The following RINT1 variants were observed in gnomAD, a reference collection of about 807,000 sequenced individuals.
RINT1 encodes RAD50-interacting protein 1.
In RINT1, 75 loss-of-function variants were observed where a neutral mutation model predicts 97.7. The ratio of observed to expected loss-of-function variants is 0.77; its 90% CI spans 0.64 to 0.93. RINT1 has a LOEUF of 0.93. Among genes scored for constraint, RINT1 ranks in the 40% least tolerant of loss-of-function variants. The pLI, the probability that RINT1 is intolerant of heterozygous loss-of-function variation, is 0.00. For missense variants in RINT1, 892 were observed against 925.2 expected, an observed-to-expected ratio of 0.96 and a Z score of 0.47; for synonymous variants, 303 against 326.3, an observed-to-expected ratio of 0.93 and a Z score of 0.77.
In RINT1 at chr7:105,567,193, C is replaced by A. The variant is rs764177063; in HGVS notation, c.2261C>A (p.Ala754Asp). ...ALLLKDVLQSASGQLPATAAL... is the reference protein window; with the variant it reads ...ALLLKDVLQSDSGQLPATAAL... ...CTGCTGAAAGATGTACTGCAGTCAG[C>A]TTCAGGGCAGCTTCCTGCCACAGCA... Residue 754 changes from alanine (A) to aspartate (D), a missense_variant, in exon 15 of 15, where the codon GCT becomes GAT. Transcript: ENST00000257700. 6.2e-7 allele frequency: 1 copy of A among 1,612,660 alleles called. No homozygotes were observed. The highest frequency in any genetic ancestry group is 8.5e-7 in the Non-Finnish European group (1 of 1,179,612).
intron 11 of RINT1, among the ~76,000 whole-genome samples, chr7:105,562,486 C>T (rs962564781): frequency 1.3e-5 from 2 of 152,160 alleles, no homozygotes; most frequent in African/African-American, 4.8e-5. Flanking sequence ...AAAGTGCTGG[C>T]ACTATAGGCA....
chr7:105,554,893 C>A, intron 10 of RINT1, 135 bp from the exon 11 acceptor site: 1 of 666,420 alleles, frequency 1.5e-6, no homozygotes, highest in Non-Finnish European at 2.6e-6. Flanking sequence ...TAAGAGAGCT[C>A]AGAAATAAAT....
chr7:105,554,265 C>T (rs1791075328), intron 10 of RINT1, among the ~76,000 whole-genome samples: 1 of 151,950 alleles, frequency 6.6e-6, no homozygotes, highest in Non-Finnish European at 1.5e-5. Flanking sequence ...GATCTCCTGA[C>T]CTCGTGATCC....
intron 4 of RINT1, 62 bp downstream of exon 4, chr7:105,542,711 G>A: frequency 2.0e-6 from 3 of 1,503,476 alleles, no homozygotes; most frequent in Non-Finnish European, 2.7e-6. Context: ...GTCTTAGAGA[G>A]TACATGTGTG....
In RINT1 at chr7:105,532,873, A is replaced by C. The variant is rs1410562288; in HGVS notation, c.88+4A>C. ...AGGAAGAACCTCGAGGAGAAAAGTA[A>C]GCCAGCTCCAAACACCTTAGCTTTT... is the stretch of plus-strand genomic sequence containing the variant. On this transcript the variant is annotated splice_donor_region_variant and intron_variant, in intron 2 of 14. Coordinates refer to ENST00000257700, the MANE Select transcript of RINT1 (RefSeq NM_021930.6). The C allele has an allele frequency of 3.7e-6, 6 of 1,613,952 alleles. No individual in the cohort carries two copies. Among genetic ancestry groups the C allele is most frequent in the Non-Finnish European group, 5.1e-6 (6 of 1,179,912 alleles).
At chr7:105,565,722 G>A in intron 14 of RINT1, 74 bp downstream of exon 14, 1 of 994,398 alleles carries the variant, frequency 1.0e-6, no homozygotes, top group Non-Finnish European at 1.5e-6. Context: ...TAACTTTAGG[G>A]TTCTGGAGAT....
intron 14 of RINT1, chr7:105,566,262 T>C (rs993461679): frequency 6.6e-6 from 1 of 151,876 alleles, no homozygotes; most frequent in Non-Finnish European, 1.5e-5. Context: ...ATTACAAATA[T>C]GTTTAATACC....
intron 3 of RINT1, among the ~76,000 whole-genome samples, chr7:105,540,543 T>C (rs914344722): frequency 6.6e-6 from 1 of 152,152 alleles, no homozygotes; most frequent in Non-Finnish European, 1.5e-5. Flanking sequence ...ATTACAGGCA[T>C]GAGACACTGT....
At chr7:105,535,264 C>G (rs1379456999) in intron 2 of RINT1, among the ~76,000 whole-genome samples, 1 of 141,034 alleles carries the variant, frequency 7.1e-6, no homozygotes, top group Non-Finnish European at 1.5e-5. Context: ...GAGTCTCACT[C>G]TGTTGCCCAG....
Position 105,547,103 on chromosome 7 carries a change from T to G in RINT1, c.689+20T>G, listed in dbSNP as rs894175858. 4.3e-6 allele frequency: 7 copies of G among 1,612,976 alleles called. No homozygotes were observed. Among genetic ancestry groups the G allele is most frequent in the Non-Finnish European group, 5.9e-6 (7 of 1,179,168 alleles). On this transcript the variant is annotated intron_variant, in intron 5 of 14. Transcript: ENST00000257700. The stretch of plus-strand genomic sequence containing the variant: ...TACAAGGTAGGGAATTTACCCATAT[T>G]TTGTGGTAATTGCTTTCCGATGGGT...
At chr7:105,537,297 A>G (rs950766380) in intron 3 of RINT1, among the ~76,000 whole-genome samples, 9 of 142,972 alleles carry the variant, frequency 6.3e-5, no homozygotes, top group Admixed American at 1.4e-4. Flanking sequence ...TGCCCAGCTA[A>G]TTTTGTATTT....
At chr7:105,542,682 ATTTTCC>A in intron 4 of RINT1, 33 bp downstream of exon 4, 1 of 1,603,526 alleles carries the variant, frequency 6.2e-7, no homozygotes. Flanking sequence ...CACAATTACT[ATTTTCC>A]TTTGAGGCTT....
intron 9 of RINT1, among the ~76,000 whole-genome samples, 157 bp from the exon 10 acceptor site, chr7:105,551,413 T>G (rs1790919466): frequency 6.6e-6 from 1 of 152,218 alleles, no homozygotes; most frequent in Admixed American, 6.5e-5. Flanking sequence ...GTATCCTGTT[T>G]AAAGCATTAA....
chr7:105,537,125 A>ATTTTTT (rs5886357), intron 3 of RINT1, among the ~76,000 whole-genome samples: 2 of 113,350 alleles, frequency 1.8e-5, no homozygotes, highest in African/African-American at 3.1e-5. Flanking sequence ...CATCATTTCA[A>ATTTTTT]TTTTTTTTTT....
intron 10 of RINT1, among the ~76,000 whole-genome samples, chr7:105,553,183 TG>T (rs928538660): frequency 1.3e-5 from 2 of 151,294 alleles, no homozygotes; most frequent in African/African-American, 4.9e-5. Context: ...TTTTTTTTTC[TG>T]GAGTATTTCA....
At chr7:105,551,534 T>G (rs780355797) in intron 9 of RINT1, 36 bp from the exon 10 acceptor site, 1 of 1,527,886 alleles carries the variant, frequency 6.5e-7, no homozygotes, top group Admixed American at 2.2e-5. Context: ...CGACTGTAAC[T>G]ACTTAATTGA....
chr7:105,536,434 C>A, intron 2 of RINT1, 131 bp from the exon 3 acceptor site: 1 of 568,392 alleles, frequency 1.8e-6, no homozygotes. Flanking sequence ...GCTGGGATCA[C>A]AGGTGTGAGC....
chr7:105,535,520 G>C, intron 2 of RINT1: 1 of 442,896 alleles, frequency 2.3e-6, no homozygotes, highest in South Asian at 1.6e-5. Flanking sequence ...GAGCCACCTC[G>C]CCCAGCCAAA....
At position 105,547,319 on chromosome 7, in the gene RINT1, GA is replaced by G; in HGVS notation, c.828del (p.Lys276AsnfsTer35). 6.2e-7 allele frequency: 1 copy of G among 1,614,090 alleles called. No homozygotes were observed. Among genetic ancestry groups the G allele is most frequent in the Non-Finnish European group, 8.5e-7 (1 of 1,179,996 alleles). On this transcript the variant is annotated frameshift_variant, in exon 6 of 15. Transcript: ENST00000257700. LOFTEE classifies it high-confidence loss of function. The part of the protein sequence containing the change: ...YLETLFCQLL[K>X]LQTSDELLTE... ...TGGAGACACTGTTTTGTCAGCTTTT[GA>G]AACTACAAACCTCGTATCTTTGTTG...
Sources: allele counts gnomAD v4.1 joint callset (sites outside exome capture counted in the v4.1 genomes callset), GRCh38; gene constraint gnomAD v4.1.1; transcripts MANE v1.5; gene names NCBI Gene and HGNC (gene_info 2026-07-23, HGNC 2026-07-21).